The following DGKB variants were observed in gnomAD, a reference collection of about 807,000 sequenced individuals.
DGKB encodes the protein 90 kDa diacylglycerol kinase.
A neutral mutation model predicts 114.3 loss-of-function variants in DGKB; 67 were observed. The observed-to-expected ratio is 0.59, with a 90% CI of 0.48 to 0.72. DGKB has a LOEUF of 0.72. DGKB is among the 30% of genes least tolerant of loss of function. DGKB has a pLI of 0.00. For synonymous variants in DGKB, 398 were observed against 323.1 expected (o/e 1.23, Z -2.49); for missense variants, 907 against 975.2 (o/e 0.93, Z 0.93).
At chr7:14,728,456 A>G (rs552930347) in intron 5 of DGKB, among the ~76,000 whole-genome samples, 3 of 152,208 alleles carry the variant, frequency 2.0e-5, no homozygotes, top group African/African-American at 7.2e-5. Context: ...GGCCAGATCC[A>G]GACCTCTCAG....
In DGKB at chr7:14,787,555, C is replaced by T. The variant is rs573689026; in HGVS notation, c.71-29824G>A. 2.6e-4 allele frequency among the ~76,000 whole-genome samples: 39 copies of T among 152,210 alleles called. 1 individual carries two copies. In the South Asian group the frequency reaches 4.8e-3, roughly 19 times the overall value. ...GAGGCCAAGAAGAAAGGGTGATAGACGTAGAGATGCATAAAAAGAAAACAA... is the reference window on the plus strand; with the variant it reads ...GAGGCCAAGAAGAAAGGGTGATAGATGTAGAGATGCATAAAAAGAAAACAA... On this transcript the variant is annotated intron_variant, in intron 2 of 25. Coordinates refer to ENST00000402815, the MANE Select transcript of DGKB (RefSeq NM_001350709.2).
chr7:14,202,728 G>T (rs570905095), intron 23 of DGKB, among the ~76,000 whole-genome samples: 1 of 151,690 alleles, frequency 6.6e-6, no homozygotes, highest in Non-Finnish European at 1.5e-5. Context: ...TTAAAATTCC[G>T]TCTTTGAAAC....
chr7:14,863,139 A>T (rs1431760420), intron 1 of DGKB, among the ~76,000 whole-genome samples: 3 of 151,772 alleles, frequency 2.0e-5, no homozygotes, highest in African/African-American at 4.8e-5. Context: ...CAAACCATTT[A>T]AATTGTATCC....
At position 14,618,518 on chromosome 7, in the gene DGKB, T is replaced by C. The variant is rs183113976; in HGVS notation, c.1284+2860A>G. Among the ~76,000 whole-genome samples the C allele has an allele frequency of 3.9e-4, 59 of 151,810 alleles. 1 individual carries two copies. The highest frequency in any genetic ancestry group is 1.2e-3 in the African/African-American group (51 of 41,536). ...CTGTTTTTCTCCTTATTTCTTCACA[T>C]GTGGGAGAGCCATCTGTAATTTTAT... On this transcript the variant is annotated intron_variant, in intron 15 of 25. Coordinates refer to ENST00000402815, the MANE Select transcript of DGKB (RefSeq NM_001350709.2).
At position 14,509,838 on chromosome 7, in the gene DGKB, G is replaced by A. The variant is rs142721681; in HGVS notation, c.1771-31613C>T. On this transcript the variant is annotated intron_variant, in intron 20 of 25. Coordinates refer to ENST00000402815, the MANE Select transcript of DGKB (RefSeq NM_001350709.2). Reference sequence around the variant, plus strand: ...CTGGTTTCCCCAACAAATCCAGTAGGAAAGTGAGTCACACAAAATTTTCTA... The same window carrying A: ...CTGGTTTCCCCAACAAATCCAGTAGAAAAGTGAGTCACACAAAATTTTCTA... 1.5e-4 allele frequency among the ~76,000 whole-genome samples: 23 copies of A among 152,272 alleles called. No homozygotes were observed. In the East Asian group the frequency reaches 4.3e-3, roughly 28 times the overall value.
chr7:14,806,063 G>A (rs958901315), intron 2 of DGKB, among the ~76,000 whole-genome samples: 7 of 151,528 alleles, frequency 4.6e-5, no homozygotes, highest in Non-Finnish European at 8.8e-5. Flanking sequence ...GAAAGTAGTT[G>A]AGATCTTTTC....
intron 13 of DGKB, among the ~76,000 whole-genome samples, chr7:14,660,911 C>G (rs1816926802): frequency 6.6e-6 from 1 of 151,646 alleles, no homozygotes. Flanking sequence ...ATATCTACAA[C>G]TATCTGATCT....
intron 21 of DGKB, among the ~76,000 whole-genome samples, chr7:14,369,607 G>A (rs1172575528): frequency 7.9e-5 from 12 of 152,166 alleles, no homozygotes; most frequent in South Asian, 2.1e-4. Flanking sequence ...TTTAATGATC[G>A]CCATTCTAAC....
chr7:14,172,176 A>G (rs1261429091), intron 25 of DGKB, among the ~76,000 whole-genome samples: 1 of 152,178 alleles, frequency 6.6e-6, no homozygotes, highest in African/African-American at 2.4e-5. Context: ...AGCGCATGAA[A>G]AGACTTTTTA....
intron 17 of DGKB, among the ~76,000 whole-genome samples, chr7:14,603,100 T>C (rs1213495001): frequency 6.6e-6 from 1 of 152,144 alleles, no homozygotes; most frequent in Non-Finnish European, 1.5e-5. Flanking sequence ...ACCTTATTCA[T>C]TGTGGTAACA....
chr7:14,793,729 G>A (rs1243351283), intron 2 of DGKB, among the ~76,000 whole-genome samples: 1 of 152,012 alleles, frequency 6.6e-6, no homozygotes, highest in Non-Finnish European at 1.5e-5. Flanking sequence ...TTACATCTGT[G>A]ATGGTTGGTT....
chr7:14,659,929 G>T (rs1182275865), intron 13 of DGKB, among the ~76,000 whole-genome samples: 2 of 151,896 alleles, frequency 1.3e-5, no homozygotes, highest in African/African-American at 4.8e-5. Context: ...TTTATTGAGA[G>T]TTTTTAGCAT....
chr7:14,868,075 C>A (rs761778696), intron 1 of DGKB, among the ~76,000 whole-genome samples: 26 of 152,112 alleles, frequency 1.7e-4, no homozygotes, highest in Admixed American at 3.3e-4. Context: ...AACACCTCTG[C>A]GTCTCCATTT....
intron 21 of DGKB, among the ~76,000 whole-genome samples, chr7:14,353,742 A>G (rs1813928100): frequency 6.6e-6 from 1 of 152,202 alleles, no homozygotes; most frequent in Admixed American, 6.5e-5. Context: ...TTTTCATACA[A>G]TACTATTTTT....
intron 23 of DGKB, among the ~76,000 whole-genome samples, chr7:14,326,635 C>G (rs1407787108): frequency 6.6e-6 from 1 of 152,146 alleles, no homozygotes; most frequent in African/African-American, 2.4e-5. Context: ...CCTGTCTATA[C>G]ATTTTCAACC....
intron 25 of DGKB, chr7:14,176,636 C>G (rs968551188): frequency 3.8e-6 from 5 of 1,302,508 alleles, no homozygotes; most frequent in Non-Finnish European, 4.9e-6. Context: ...CACAAACATT[C>G]AAGAGCTAAA....
At chr7:14,314,541 G>T (rs1234999219) in intron 23 of DGKB, among the ~76,000 whole-genome samples, 1 of 152,058 alleles carries the variant, frequency 6.6e-6, no homozygotes, top group Non-Finnish European at 1.5e-5. Flanking sequence ...AGCAATGGAA[G>T]ATGAAATGAA....
chr7:14,919,085 C>CACACAA (rs1562875370), intron 1 of DGKB, among the ~76,000 whole-genome samples: 32 of 122,188 alleles, frequency 2.6e-4, no homozygotes, highest in African/African-American at 8.1e-4. Flanking sequence ...CACACACACA[C>CACACAA]ACACACACAA....
chr7:14,444,300 G>A (rs1275835997), intron 21 of DGKB, among the ~76,000 whole-genome samples: 1 of 151,428 alleles, frequency 6.6e-6, no homozygotes, highest in African/African-American at 2.4e-5. Context: ...TTATTCAGTT[G>A]GTACCTACAT....
Sources: gnomAD v4.1 joint callset for allele counts (sites outside exome capture counted in the v4.1 genomes callset) on GRCh38, gnomAD v4.1.1 for gene constraint, MANE v1.5 for transcripts, NCBI Gene and HGNC (gene_info 2026-07-23, HGNC 2026-07-21) for gene names.